The following ANO10 variants were observed in gnomAD, a reference collection of about 807,000 sequenced individuals.
The protein encoded by ANO10 is anoctamin-10.
A neutral mutation model predicts 74.7 loss-of-function variants in ANO10; 77 were observed. That is an observed-to-expected ratio of 1.03 (90% CI 0.86 to 1.25). The LOEUF (loss-of-function observed/expected upper bound fraction) is 1.25, where lower values mean the gene tolerates loss of function less well. Ranked by LOEUF, ANO10 falls within the 50% of genes most tolerant of loss-of-function variation. The pLI is 0.00. For missense variants in ANO10, 721 were observed against 778.1 expected, an observed-to-expected ratio of 0.93 and a Z score of 0.87; for synonymous variants, 279 against 284.9, an observed-to-expected ratio of 0.98 and a Z score of 0.21.
chr3:43,613,716 A>G (rs1385620275), intron 1 of ANO10, among the ~76,000 whole-genome samples: 2 of 152,240 alleles, frequency 1.3e-5, no homozygotes, highest in African/African-American at 4.8e-5. Context: ...AGTAGAATAC[A>G]GAGGCTGAGT....
At chr3:43,597,063 G>A (rs2082122878) in intron 4 of ANO10, among the ~76,000 whole-genome samples, 1 of 152,174 alleles carries the variant, frequency 6.6e-6, no homozygotes, top group South Asian at 2.1e-4. Context: ...ACCACAATGA[G>A]ATACCATCTC....
chr3:43,560,926 C>T (rs939520803), intron 9 of ANO10, among the ~76,000 whole-genome samples: 4 of 152,244 alleles, frequency 2.6e-5, no homozygotes. Flanking sequence ...CTCTCCCGTT[C>T]TGTCATCTCT....
chr3:43,686,671 A>G (rs73829508), intron 1 of ANO10, among the ~76,000 whole-genome samples: 3,824 of 152,308 alleles, frequency 0.025, 151 homozygotes, highest in African/African-American at 0.086. Context: ...TGGCTTCTAA[A>G]TTTTAACTTA....
intron 1 of ANO10, among the ~76,000 whole-genome samples, chr3:43,649,375 C>T (rs1290512671): frequency 6.6e-6 from 1 of 152,134 alleles, no homozygotes; most frequent in African/African-American, 2.4e-5. Context: ...ATAACATATA[C>T]TGATTATAGC....
At chr3:43,367,058 A>G in intron 12 of ANO10, 84 bp from the exon 13 acceptor site, 6 of 1,353,228 alleles carry the variant, frequency 4.4e-6, no homozygotes, top group Non-Finnish European at 6.2e-6. Flanking sequence ...AAGCCTGGCC[A>G]GCGGCTTTGA....
intron 2 of ANO10, among the ~76,000 whole-genome samples, chr3:43,602,401 A>G (rs982475757): frequency 6.6e-6 from 1 of 152,128 alleles, no homozygotes; most frequent in East Asian, 1.9e-4. Context: ...GCAATGGTGC[A>G]ATATTGGCTC....
chr3:43,471,339 G>A (rs2075850376), intron 11 of ANO10, among the ~76,000 whole-genome samples: 3 of 152,108 alleles, frequency 2.0e-5, no homozygotes, highest in Admixed American at 1.3e-4. Context: ...TATTTAGGAA[G>A]AGACAAAGTT....
At chr3:43,429,076 G>C (rs1278880278) in intron 12 of ANO10, among the ~76,000 whole-genome samples, 3 of 152,028 alleles carry the variant, frequency 2.0e-5, no homozygotes, top group Non-Finnish European at 4.4e-5. Flanking sequence ...GAAGATATGG[G>C]AATCTAAGAG....
chr3:43,422,620 C>T (rs529048727), intron 12 of ANO10, among the ~76,000 whole-genome samples: 1 of 152,320 alleles, frequency 6.6e-6, no homozygotes, highest in East Asian at 1.9e-4. Flanking sequence ...CCTCTTACCA[C>T]ATTGCTTCCA....
intron 1 of ANO10, among the ~76,000 whole-genome samples, chr3:43,680,633 C>T (rs942569556): frequency 2.6e-5 from 4 of 152,106 alleles, no homozygotes; most frequent in Non-Finnish European, 5.9e-5. Context: ...ATATTTGTCA[C>T]ATTCACCAAA....
chr3:43,453,422 G>A (rs2074973375), intron 11 of ANO10, among the ~76,000 whole-genome samples: 1 of 152,030 alleles, frequency 6.6e-6, no homozygotes, highest in African/African-American at 2.4e-5. Context: ...CTCATGATAT[G>A]CCCACCTCGG....
At chr3:43,485,139 T>C in intron 11 of ANO10, 1 of 807,304 alleles carries the variant, frequency 1.2e-6, no homozygotes, top group Non-Finnish European at 2.1e-6. Flanking sequence ...TGGAGTGATC[T>C]GGATGGAGTG....
chr3:43,654,554 G>A (rs1040245708), intron 1 of ANO10, among the ~76,000 whole-genome samples: 5 of 152,212 alleles, frequency 3.3e-5, no homozygotes, highest in African/African-American at 9.7e-5. Context: ...AGCATTAGAT[G>A]CTTGCCATAA....
chr3:43,445,917 C>G (rs1227910662), intron 11 of ANO10, among the ~76,000 whole-genome samples: 3 of 152,090 alleles, frequency 2.0e-5, no homozygotes, highest in Non-Finnish European at 2.9e-5. Flanking sequence ...CCAGGCTGGT[C>G]TTGAACTCCT....
At chr3:43,661,466 G>T (rs1283489582) in intron 1 of ANO10, among the ~76,000 whole-genome samples, 1 of 152,186 alleles carries the variant, frequency 6.6e-6, no homozygotes, top group Non-Finnish European at 1.5e-5. Context: ...AAATTGTAAA[G>T]ATCACTGATG....
intron 12 of ANO10, among the ~76,000 whole-genome samples, chr3:43,405,627 T>C (rs908081613): frequency 2.0e-5 from 3 of 152,044 alleles, no homozygotes; most frequent in Non-Finnish European, 2.9e-5. Context: ...GAGTGCACTA[T>C]CACGCCCGGT....
intron 11 of ANO10, among the ~76,000 whole-genome samples, chr3:43,541,989 A>C (rs2078978430): frequency 6.6e-6 from 1 of 152,196 alleles, no homozygotes; most frequent in African/African-American, 2.4e-5. Flanking sequence ...GCGGAAGAGA[A>C]ATATGATCAG....
chr3:43,485,261 T>A, intron 11 of ANO10: 1 of 622,346 alleles, frequency 1.6e-6, no homozygotes, highest in Non-Finnish European at 2.9e-6. Flanking sequence ...CAGGACTAGC[T>A]GCTGTTTGCC....
chr3:43,426,560 C>G (rs952496890), intron 12 of ANO10, among the ~76,000 whole-genome samples: 26 of 152,016 alleles, frequency 1.7e-4, no homozygotes, highest in African/African-American at 3.9e-4. Context: ...TCCCTGGCTT[C>G]TGTGTGTTCT....
Sources: allele counts gnomAD v4.1 joint callset (sites outside exome capture counted in the v4.1 genomes callset), GRCh38; gene constraint gnomAD v4.1.1; transcripts MANE v1.5; gene names NCBI Gene and HGNC (gene_info 2026-07-23, HGNC 2026-07-21).